Variants in FANCC observed in about 807,000 individuals in gnomAD.
FANCC encodes Fanconi anemia group C protein.
FANCC carries 55 observed loss-of-function variants against 71.3 expected under a neutral mutation model. That is an observed-to-expected ratio of 0.77 (90% CI 0.62 to 0.97). The LOEUF is 0.97. FANCC is among the 50% of genes least tolerant of loss of function. FANCC has a pLI of 0.00. For synonymous variants in FANCC, 275 were observed against 244.9 expected (o/e 1.12, Z -1.15); for missense variants, 678 against 670.9 (o/e 1.01, Z -0.12).
intron 4 of FANCC, among the ~76,000 whole-genome samples, chr9:95,175,208 A>G (rs918235155): frequency 6.6e-6 from 1 of 152,222 alleles, no homozygotes; most frequent in Admixed American, 6.5e-5. Flanking sequence ...CCATTTCTAC[A>G]TGACATCCTA....
intron 1 of FANCC, among the ~76,000 whole-genome samples, chr9:95,288,545 T>G (rs1833822911): frequency 6.6e-6 from 1 of 152,176 alleles, no homozygotes. Context: ...TACATGGATT[T>G]CTTTTTATTT....
intron 4 of FANCC, among the ~76,000 whole-genome samples, chr9:95,179,163 G>C (rs554338416): frequency 1.3e-5 from 2 of 152,218 alleles, no homozygotes; most frequent in African/African-American, 4.8e-5. Context: ...TTCATCTAAG[G>C]TCAATTTCCC....
intron 4 of FANCC, among the ~76,000 whole-genome samples, chr9:95,223,170 A>G (rs1230162255): frequency 1.3e-5 from 2 of 152,242 alleles, no homozygotes; most frequent in African/African-American, 4.8e-5. Flanking sequence ...CTGCTGTGAC[A>G]AAGTACCACA....
chr9:95,107,705 G>A (rs4647540), intron 13 of FANCC, among the ~76,000 whole-genome samples: 4,555 of 152,216 alleles, frequency 0.03, 139 homozygotes, highest in East Asian at 0.1. Context: ...TTTGCTTCTT[G>A]CTATATTGGG....
At chr9:95,270,220 A>G (rs1238715365) in intron 1 of FANCC, among the ~76,000 whole-genome samples, 1 of 152,272 alleles carries the variant, frequency 6.6e-6, no homozygotes, top group East Asian at 1.9e-4. Flanking sequence ...CTTAGTCATG[A>G]TTAAAAAGCT....
At chr9:95,231,197 C>T (rs1323300005) in intron 4 of FANCC, among the ~76,000 whole-genome samples, 2 of 152,202 alleles carry the variant, frequency 1.3e-5, no homozygotes, top group Non-Finnish European at 1.5e-5. Flanking sequence ...GAGTTTATCT[C>T]CTTCTGTTTT....
chr9:95,180,386 C>G (rs1384692932), intron 4 of FANCC, among the ~76,000 whole-genome samples: 1 of 125,330 alleles, frequency 8.0e-6, no homozygotes, highest in Non-Finnish European at 1.6e-5. Context: ...TTGCTCTGCT[C>G]TGTCACCCAG....
chr9:95,241,546 C>CG (rs1830629634), intron 3 of FANCC, among the ~76,000 whole-genome samples: 1 of 152,156 alleles, frequency 6.6e-6, no homozygotes, highest in Admixed American at 6.5e-5. Context: ...TGTCAGTACC[C>CG]GAGCTAGGGC....
intron 1 of FANCC, among the ~76,000 whole-genome samples, chr9:95,295,049 ATGTAATACC>A (rs1394874219): frequency 6.6e-6 from 1 of 152,222 alleles, no homozygotes; most frequent in Non-Finnish European, 1.5e-5. Flanking sequence ...AATGGGCTAA[ATGTAATACC>A]TGAAATTATG....
chr9:95,232,424 T>A (rs915677510), intron 4 of FANCC, among the ~76,000 whole-genome samples: 1 of 152,202 alleles, frequency 6.6e-6, no homozygotes, highest in African/African-American at 2.4e-5. Context: ...GGAAGAAGGA[T>A]GCCTTATTGA....
chr9:95,230,767 C>T (rs964518156), intron 4 of FANCC, among the ~76,000 whole-genome samples: 5 of 152,006 alleles, frequency 3.3e-5, no homozygotes, highest in African/African-American at 9.7e-5. Context: ...AGCTGGTGGC[C>T]GCTGCTGGCT....
At chr9:95,136,850 G>C (rs1442435276) in intron 7 of FANCC, among the ~76,000 whole-genome samples, 1 of 152,160 alleles carries the variant, frequency 6.6e-6, no homozygotes, top group Admixed American at 6.5e-5. Context: ...TCTTGTGTCA[G>C]TGAATTGGGG....
intron 1 of FANCC, among the ~76,000 whole-genome samples, chr9:95,264,086 T>C (rs1832239093): frequency 1.3e-5 from 2 of 152,212 alleles, no homozygotes; most frequent in Admixed American, 6.5e-5. Flanking sequence ...CAGCCCCGTG[T>C]CCTCACAGCA....
chr9:95,274,507 G>C (rs776171218), intron 1 of FANCC, among the ~76,000 whole-genome samples: 1 of 152,150 alleles, frequency 6.6e-6, no homozygotes, highest in Non-Finnish European at 1.5e-5. Flanking sequence ...TGTCTTTATA[G>C]TAGAATGATT....
intron 4 of FANCC, among the ~76,000 whole-genome samples, chr9:95,221,208 A>AAAAAAC (rs1261355469): frequency 6.6e-6 from 1 of 151,966 alleles, no homozygotes; most frequent in African/African-American, 2.4e-5. Flanking sequence ...GAGCATCTGA[A>AAAAAAC]AAAAACAAAA....
chr9:95,157,971 G>T (rs956970674), intron 6 of FANCC, among the ~76,000 whole-genome samples: 3 of 152,122 alleles, frequency 2.0e-5, no homozygotes, highest in African/African-American at 7.2e-5. Flanking sequence ...AATAATCTCT[G>T]ACTCTTCTCA....
chr9:95,272,720 C>A (rs1223331022), intron 1 of FANCC, among the ~76,000 whole-genome samples: 2 of 152,056 alleles, frequency 1.3e-5, no homozygotes, highest in Non-Finnish European at 2.9e-5. Context: ...AAAACAACAA[C>A]AAAAAAATTA....
chr9:95,259,054 T>C (rs1369399898), intron 1 of FANCC, among the ~76,000 whole-genome samples: 1 of 152,144 alleles, frequency 6.6e-6, no homozygotes, highest in Non-Finnish European at 1.5e-5. Context: ...CACAAACAAA[T>C]GGAAAAACAT....
rs188455023 is a variant in FANCC at position 95,315,025 on chromosome 9, T to C, written c.-79+2501A>G. On this transcript the variant is annotated intron_variant, in intron 1 of 14. Coordinates refer to ENST00000289081, the MANE Select transcript of FANCC (RefSeq NM_000136.3). ...ACAATTTTGAAAATGAAGAAAAACATTGGATAACTTACACTACTTAATTTC... is the reference window on the plus strand; with the variant it reads ...ACAATTTTGAAAATGAAGAAAAACACTGGATAACTTACACTACTTAATTTC... Among the ~76,000 whole-genome samples the C allele has an allele frequency of 2.4e-3, 366 of 152,280 alleles. 2 individuals carry two copies. Among genetic ancestry groups the C allele is most frequent in the Admixed American group, 2.3e-3 (35 of 15,290 alleles).
Sources: gnomAD v4.1 joint callset for allele counts (sites outside exome capture counted in the v4.1 genomes callset) on GRCh38, gnomAD v4.1.1 for gene constraint, MANE v1.5 for transcripts, NCBI Gene and HGNC (gene_info 2026-07-23, HGNC 2026-07-21) for gene names.